Variants in UBE2H observed in about 807,000 individuals in gnomAD.
UBE2H encodes the protein ubiquitin-conjugating enzyme E2 H.
Under a neutral mutation model 29.0 loss-of-function variants are expected in UBE2H, and 3 were observed. The ratio of observed to expected loss-of-function variants is 0.10; its 90% CI spans 0.05 to 0.27. UBE2H has a LOEUF of 0.27. Among genes scored for constraint, UBE2H ranks in the 10% least tolerant of loss-of-function variants. The probability of loss-of-function intolerance (pLI) is 1.00; values close to 1 mark genes in which losing one functional copy is unlikely to be tolerated. For missense variants in UBE2H, 68 were observed against 228.2 expected (o/e 0.30, Z 4.52); for synonymous variants, 69 against 82.9 (o/e 0.83, Z 0.91).
chr7:129,896,814 A>G (rs1806610302), intron 1 of UBE2H, among the ~76,000 whole-genome samples: 1 of 152,236 alleles, frequency 6.6e-6, no homozygotes, highest in African/African-American at 2.4e-5. Context: ...AAAAATCTCT[A>G]TTCACAGACC....
At chr7:129,939,716 T>C (rs556184713) in intron 1 of UBE2H, among the ~76,000 whole-genome samples, 2 of 152,238 alleles carry the variant, frequency 1.3e-5, no homozygotes, top group East Asian at 3.9e-4. Flanking sequence ...TCCCAGCACT[T>C]TGGGAGGCCA....
Position 129,949,134 on chromosome 7 carries a change from GT to G in UBE2H, c.53+3368del, listed in dbSNP as rs1403521824. Reference sequence around the variant, plus strand: ...CACAGATGAAAGGATCACCAGGGCTGTGCAACAGGGTGAGACGAGTAACCCC... The same window carrying G: ...CACAGATGAAAGGATCACCAGGGCTGGCAACAGGGTGAGACGAGTAACCCC... On this transcript the variant is annotated intron_variant, in intron 1 of 6. Transcript: ENST00000355621. The G allele has an allele frequency of 2.0e-5, 8 of 406,168 alleles. No individual in the cohort carries two copies. The East Asian group carries it at 6.1e-4, about 31-fold the overall frequency. The allele number at this position is 406,168 out of a possible 1,614,324, so 25.2% of individuals were successfully genotyped here.
chr7:129,895,916 C>T (rs1324217262), intron 1 of UBE2H, among the ~76,000 whole-genome samples: 3 of 152,152 alleles, frequency 2.0e-5, no homozygotes, highest in Admixed American at 1.3e-4. Context: ...CCCTTTTGGG[C>T]GGTATGTGTC....
At chr7:129,935,415 A>C (rs754711153) in intron 1 of UBE2H, among the ~76,000 whole-genome samples, 1 of 106,208 alleles carries the variant, frequency 9.4e-6, no homozygotes, top group Non-Finnish European at 2.0e-5. Context: ...TGTCTCAAAG[A>C]AAAAAAAAAA....
chr7:129,929,174 T>C (rs1807335750), intron 1 of UBE2H, among the ~76,000 whole-genome samples: 2 of 151,880 alleles, frequency 1.3e-5, no homozygotes, highest in Non-Finnish European at 2.9e-5. Flanking sequence ...CAAAATTAGC[T>C]GGCGTGGTGG....
chr7:129,912,904 C>T (rs1195640702), intron 1 of UBE2H, among the ~76,000 whole-genome samples: 2 of 152,082 alleles, frequency 1.3e-5, no homozygotes, highest in African/African-American at 2.4e-5. Context: ...ATATTTTGTT[C>T]AACACAACCA....
chr7:129,841,661 G>T (rs1000432498), intron 5 of UBE2H, among the ~76,000 whole-genome samples: 3 of 152,168 alleles, frequency 2.0e-5, no homozygotes, highest in African/African-American at 7.2e-5. Context: ...TCACACACCA[G>T]GTATTGACAC....
In UBE2H at chr7:129,832,382, C is replaced by G. The variant is rs567590764; in HGVS notation, c.*2555G>C. Reference sequence around the variant, plus strand: ...ACAAGAGGGCACAGTGGGATCCATGCGGCAATTACAGGAGCTTCCAGCACT... The same window carrying G: ...ACAAGAGGGCACAGTGGGATCCATGGGGCAATTACAGGAGCTTCCAGCACT... On this transcript the variant is annotated 3_prime_UTR_variant, in exon 7 of 7. Transcript: ENST00000355621. The G allele has an allele frequency of 2.0e-5, 3 of 152,396 alleles. No individual in the cohort carries two copies. The highest frequency in any genetic ancestry group is 1.9e-4 in the East Asian group (1 of 5,176). The allele number at this position is 152,396 out of a possible 1,614,324, so 9.4% of individuals were successfully genotyped here.
At chr7:129,924,514 A>G (rs79961403) in intron 1 of UBE2H, among the ~76,000 whole-genome samples, 9,635 of 152,158 alleles carry the variant, frequency 0.063, 367 homozygotes, top group Non-Finnish European at 0.091. Context: ...TGCAAAGAGA[A>G]TAAGATTCAA....
intron 1 of UBE2H, among the ~76,000 whole-genome samples, chr7:129,905,956 C>T (rs1806806913): frequency 6.6e-6 from 1 of 151,364 alleles, no homozygotes; most frequent in Non-Finnish European, 1.5e-5. Flanking sequence ...CTGAGCGAGA[C>T]ACTGTCTCCA....
At chr7:129,875,967 T>A (rs1000483685) in intron 3 of UBE2H, among the ~76,000 whole-genome samples, 1 of 152,188 alleles carries the variant, frequency 6.6e-6, no homozygotes, top group African/African-American at 2.4e-5. Flanking sequence ...CTCTGAAGCT[T>A]TTGTGAAGAC....
At chr7:129,852,577 G>A (rs568658900) in intron 5 of UBE2H, among the ~76,000 whole-genome samples, 1 of 152,286 alleles carries the variant, frequency 6.6e-6, no homozygotes, top group Admixed American at 6.5e-5. Context: ...TAACTCTAGG[G>A]GAAGACTTTT....
At chr7:129,880,842 G>T in intron 2 of UBE2H, 53 bp downstream of exon 2, 1 of 1,504,444 alleles carries the variant, frequency 6.6e-7, no homozygotes, top group South Asian at 1.2e-5. Context: ...ATTCTATTAA[G>T]AAACAGAGTA....
chr7:129,876,851 T>C (rs778789578), intron 3 of UBE2H, among the ~76,000 whole-genome samples: 5 of 152,242 alleles, frequency 3.3e-5, no homozygotes, highest in Admixed American at 1.3e-4. Context: ...CACTCATTTA[T>C]AGATGCAAAT....
chr7:129,856,521 A>G (rs1805707777), intron 5 of UBE2H, among the ~76,000 whole-genome samples: 1 of 151,466 alleles, frequency 6.6e-6, no homozygotes, highest in African/African-American at 2.4e-5. Context: ...TGGACCATAA[A>G]AAAGGAGCTA....
At chr7:129,857,213 C>G (rs888419225) in intron 5 of UBE2H, 1 of 330,422 alleles carries the variant, frequency 3.0e-6, no homozygotes, top group East Asian at 5.3e-5. Flanking sequence ...CTAATACATA[C>G]ATATAAAATG....
intron 3 of UBE2H, among the ~76,000 whole-genome samples, chr7:129,862,424 G>A (rs544843846): frequency 3.3e-5 from 5 of 152,254 alleles, no homozygotes; most frequent in African/African-American, 1.2e-4. Flanking sequence ...GGAAATACCT[G>A]TAAGGAAAGG....
At chr7:129,851,516 T>C (rs932385026) in intron 5 of UBE2H, among the ~76,000 whole-genome samples, 4 of 152,180 alleles carry the variant, frequency 2.6e-5, no homozygotes, top group Non-Finnish European at 5.9e-5. Flanking sequence ...AAGCCAAGTG[T>C]CCATACGCTG....
At chr7:129,854,754 G>C (rs987119869) in intron 5 of UBE2H, among the ~76,000 whole-genome samples, 3 of 152,074 alleles carry the variant, frequency 2.0e-5, no homozygotes, top group Admixed American at 6.5e-5. Flanking sequence ...ACAAATACTT[G>C]TGCACAAATA....
Sources: allele counts gnomAD v4.1 joint callset (sites outside exome capture counted in the v4.1 genomes callset), GRCh38; gene constraint gnomAD v4.1.1; transcripts MANE v1.5; gene names NCBI Gene and HGNC (gene_info 2026-07-23, HGNC 2026-07-21).